Variants in FLRT2 observed in about 807,000 individuals in gnomAD.
FLRT2 encodes leucine-rich repeat transmembrane protein FLRT2.
A neutral mutation model predicts 40.0 loss-of-function variants in FLRT2; 15 were observed. That is an observed-to-expected ratio of 0.38 (90% CI 0.25 to 0.58). The LOEUF is 0.58. FLRT2 is among the 20% of genes least tolerant of loss of function. FLRT2 has a pLI of 0.71. For missense variants in FLRT2, 726 were observed against 840.0 expected, an observed-to-expected ratio of 0.86 and a Z score of 1.68; for synonymous variants, 380 against 336.8, an observed-to-expected ratio of 1.13 and a Z score of -1.41.
At chr14:85,582,366 C>T (rs977037718) in intron 1 of FLRT2, among the ~76,000 whole-genome samples, 6 of 152,130 alleles carry the variant, frequency 3.9e-5, no homozygotes, top group African/African-American at 1.4e-4. Flanking sequence ...GTAGAAATTA[C>T]TTGTTCAATA....
intron 1 of FLRT2, among the ~76,000 whole-genome samples, chr14:85,603,345 G>GA (rs1158342219): frequency 3.1e-4 from 47 of 150,652 alleles, no homozygotes; most frequent in Admixed American, 5.9e-4. Flanking sequence ...TTATGAAGGA[G>GA]AAAAAAAAAG....
chr14:85,600,090 A>T (rs966597514), intron 1 of FLRT2, among the ~76,000 whole-genome samples: 2 of 152,214 alleles, frequency 1.3e-5, no homozygotes, highest in Non-Finnish European at 2.9e-5. Flanking sequence ...TAAATAAAGG[A>T]GGAGAGGCAT....
Position 85,621,140 on chromosome 14 carries a change from T to C in FLRT2, c.-375T>C, listed in dbSNP as rs150968958. The C allele has an allele frequency of 5.5e-4, 127 of 232,842 alleles. 2 individuals carry two copies. Among genetic ancestry groups the C allele is most frequent in the African/African-American group, 2.6e-3 (116 of 44,372 alleles). The allele number at this position is 232,842 out of a possible 1,614,324, so 14.4% of individuals were successfully genotyped here. A position where few individuals can be genotyped will look rare whatever the true frequency, so the allele number is the denominator to read the frequency against. Reference sequence around the variant, plus strand: ...TTCCTCTTTTCTTTCCTGCAACAGATTGCAGATTGAGCTTAACCAAGAAGT... The same window carrying C: ...TTCCTCTTTTCTTTCCTGCAACAGACTGCAGATTGAGCTTAACCAAGAAGT... On this transcript the variant is annotated splice_region_variant and 5_prime_UTR_variant, in exon 2 of 2. Transcript: ENST00000330753.
At chr14:85,567,128 C>T (rs893721161) in intron 1 of FLRT2, among the ~76,000 whole-genome samples, 1 of 152,052 alleles carries the variant, frequency 6.6e-6, no homozygotes, top group African/African-American at 2.4e-5. Flanking sequence ...GGGAAGATAC[C>T]TGCAAACACG....
At chr14:85,602,595 T>C (rs1392775973) in intron 1 of FLRT2, among the ~76,000 whole-genome samples, 2 of 152,214 alleles carry the variant, frequency 1.3e-5, no homozygotes, top group African/African-American at 4.8e-5. Flanking sequence ...GGAACTATGA[T>C]TTGGCAAATG....
intron 1 of FLRT2, among the ~76,000 whole-genome samples, chr14:85,592,878 G>A (rs774213994): frequency 9.9e-5 from 15 of 151,920 alleles, no homozygotes; most frequent in Middle Eastern, 3.5e-3. Flanking sequence ...AGAGTATAAT[G>A]GAATATTTGG....
chr14:85,589,012 A>T (rs1453945713), intron 1 of FLRT2, among the ~76,000 whole-genome samples: 1 of 152,138 alleles, frequency 6.6e-6, no homozygotes, highest in Non-Finnish European at 1.5e-5. Context: ...GTTGATGGAC[A>T]CTTAGGTTCT....
chr14:85,639,399 C>T lies in FLRT2; in HGVS notation c.*15902C>T, dbSNP rs559766589. 1.1e-4 allele frequency: 17 copies of T among 151,984 alleles called. No homozygotes were observed. The highest frequency in any genetic ancestry group is 2.2e-4 in the Non-Finnish European group (15 of 67,986). The allele number at this position is 151,984 out of a possible 1,614,324, so 9.4% of individuals were successfully genotyped here. ...GCAGCTTTTCTTGAAAGTAGTTTACCGGGTTGGGCAAAAAGAGGATGAGTA... is the reference window on the plus strand; with the variant it reads ...GCAGCTTTTCTTGAAAGTAGTTTACTGGGTTGGGCAAAAAGAGGATGAGTA... On this transcript the variant is annotated 3_prime_UTR_variant, in exon 2 of 2. Transcript: ENST00000330753.
intron 1 of FLRT2, among the ~76,000 whole-genome samples, chr14:85,563,317 G>A (rs568364827): frequency 2.7e-4 from 41 of 152,266 alleles, no homozygotes; most frequent in Non-Finnish European, 4.6e-4. Flanking sequence ...CATGGTCTAT[G>A]TTGTTTAACA....
In FLRT2 at chr14:85,560,915, G is replaced by A. The variant is rs369188200; in HGVS notation, c.-377+30381G>A. ...AAAAATGCAGACAAGCAATTACTCC[G>A]TTACTTTAATTACTCTCCTAATTAT... On this transcript the variant is annotated intron_variant, in intron 1 of 1. Transcript: ENST00000330753. The A allele has an allele frequency of 8.5e-5, 13 of 152,096 alleles. No homozygotes were observed. In the East Asian group the frequency reaches 1.9e-3, roughly 23 times the overall value. The allele number at this position is 152,096 out of a possible 1,614,324, so 9.4% of individuals were successfully genotyped here. A position where few individuals can be genotyped will look rare whatever the true frequency, so the allele number is the denominator to read the frequency against.
chr14:85,641,478 A>C lies in FLRT2; in HGVS notation c.*17981A>C, dbSNP rs1291983189. The C allele has an allele frequency of 1.3e-5, 2 of 152,216 alleles. No individual in the cohort carries two copies. Among genetic ancestry groups the C allele is most frequent in the Non-Finnish European group, 2.9e-5 (2 of 68,062 alleles). The allele number at this position is 152,216 out of a possible 1,614,324, so 9.4% of individuals were successfully genotyped here. ...ATAATCAGTGTTTTAGTGTCTGGTC[A>C]CTATCTTCAGTGGAGTCAGGTGATG... On this transcript the variant is annotated 3_prime_UTR_variant, in exon 2 of 2. Coordinates refer to ENST00000330753, the MANE Select transcript of FLRT2 (RefSeq NM_013231.6).
chr14:85,564,422 A>C (rs1305398522), intron 1 of FLRT2, among the ~76,000 whole-genome samples: 1 of 152,216 alleles, frequency 6.6e-6, no homozygotes, highest in African/African-American at 2.4e-5. Flanking sequence ...ATCAAAAATT[A>C]AACAAGTAAA....
chr14:85,548,166 C>G (rs973798843), intron 1 of FLRT2, among the ~76,000 whole-genome samples: 2 of 152,162 alleles, frequency 1.3e-5, no homozygotes, highest in African/African-American at 4.8e-5. Context: ...AGGTGTGTGG[C>G]CTCAACCTAC....
chr14:85,625,914 G>A lies in FLRT2; in HGVS notation c.*2417G>A, dbSNP rs762604898. 4.8e-5 allele frequency: 8 copies of A among 167,202 alleles called. No homozygotes were observed. The highest frequency in any genetic ancestry group is 8.8e-5 in the Non-Finnish European group (6 of 68,118). 10.4% of individuals were successfully genotyped at this position (167,202 alleles called of 1,614,324 possible). On this transcript the variant is annotated 3_prime_UTR_variant, in exon 2 of 2. Coordinates refer to ENST00000330753, the MANE Select transcript of FLRT2 (RefSeq NM_013231.6). ...GGCTGCTGAAACCACTTTGGGCCAG[G>A]AAGAACAAGGATGAAGAGGTTCCTG...
rs1475559508 is a variant in FLRT2 at position 85,639,282 on chromosome 14, T to C, written c.*15785T>C. On this transcript the variant is annotated 3_prime_UTR_variant, in exon 2 of 2. Transcript: ENST00000330753. ...AGTTAACCGGATGGCAAGTTGTTTA[T>C]GAGCATGCCTTCTCGTTAAGTTGAC... 6.6e-6 allele frequency: 1 copy of C among 152,230 alleles called. No individual in the cohort carries two copies. Among genetic ancestry groups the C allele is most frequent in the Non-Finnish European group, 1.5e-5 (1 of 68,046 alleles). 9.4% of individuals were successfully genotyped at this position (152,230 alleles called of 1,614,324 possible). A position where few individuals can be genotyped will look rare whatever the true frequency, so the allele number is the denominator to read the frequency against.
intron 1 of FLRT2, among the ~76,000 whole-genome samples, chr14:85,616,953 A>G (rs969680425): frequency 2.0e-5 from 3 of 152,326 alleles, no homozygotes; most frequent in South Asian, 4.1e-4. Flanking sequence ...GGTTATGTTT[A>G]TTAGAAATTT....
intron 1 of FLRT2, among the ~76,000 whole-genome samples, chr14:85,571,819 CAA>C (rs1209834998): frequency 6.6e-6 from 1 of 152,096 alleles, no homozygotes; most frequent in Non-Finnish European, 1.5e-5. Context: ...AACCATTTGT[CAA>C]GAGATACCAT....
At chr14:85,593,190 T>G (rs1386695017) in intron 1 of FLRT2, among the ~76,000 whole-genome samples, 1 of 152,218 alleles carries the variant, frequency 6.6e-6, no homozygotes, top group Non-Finnish European at 1.5e-5. Flanking sequence ...TTTTGCTAGA[T>G]GTTTATATAA....
In FLRT2 at chr14:85,647,495, G is replaced by A. The variant is rs910671777; in HGVS notation, c.*23998G>A. On this transcript the variant is annotated 3_prime_UTR_variant, in exon 2 of 2. Transcript: ENST00000330753. ...GATGTTGGGATATGATGGCTTAGAA[G>A]TCTTACTAGTCAATGGAAGAATGTT... The A allele has an allele frequency of 2.6e-5, 4 of 152,128 alleles. No homozygotes were observed. The highest frequency in any genetic ancestry group is 4.4e-5 in the Non-Finnish European group (3 of 68,036). 9.4% of individuals were successfully genotyped at this position (152,128 alleles called of 1,614,324 possible). A position where few individuals can be genotyped will look rare whatever the true frequency, so the allele number is the denominator to read the frequency against.
Sources: gnomAD v4.1 joint callset for allele counts (sites outside exome capture counted in the v4.1 genomes callset) on GRCh38, gnomAD v4.1.1 for gene constraint, MANE v1.5 for transcripts, NCBI Gene and HGNC (gene_info 2026-07-23, HGNC 2026-07-21) for gene names.